Variants in SLC19A3 observed in about 807,000 individuals in gnomAD.
SLC19A3 encodes the protein solute carrier family 19 member 3.
Under a neutral mutation model 40.2 loss-of-function variants are expected in SLC19A3, and 31 were observed. The observed-to-expected ratio is 0.77, with a 90% confidence interval of 0.58 to 1.04. SLC19A3 has a LOEUF of 1.04. SLC19A3 is among the 50% of genes least tolerant of loss of function. The probability of loss-of-function intolerance (pLI) is 0.00; values close to 1 mark genes in which losing one functional copy is unlikely to be tolerated. For missense variants in SLC19A3, 592 were observed against 596.7 expected (o/e 0.99, Z 0.08); for synonymous variants, 212 against 227.5 (o/e 0.93, Z 0.61).
chr2:227,714,738 C>T (rs1336148888), intron 1 of SLC19A3: 3 of 263,748 alleles, frequency 1.1e-5, no homozygotes, highest in Non-Finnish European at 1.7e-5. Flanking sequence ...ACACCCAGAT[C>T]CAGATCTTTC....
chr2:227,698,203 C>T (rs1436844910), intron 3 of SLC19A3, among the ~76,000 whole-genome samples: 1 of 151,860 alleles, frequency 6.6e-6, no homozygotes, highest in Non-Finnish European at 1.5e-5. Context: ...CTCTGTCATC[C>T]AGGCTGGAGT....
At chr2:227,692,580 C>G (rs192252014) in intron 4 of SLC19A3, among the ~76,000 whole-genome samples, 1 of 152,224 alleles carries the variant, frequency 6.6e-6, no homozygotes, top group Admixed American at 6.5e-5. Context: ...TATGACAGAC[C>G]TACAGCTAGT....
rs1188128121 is a variant in SLC19A3 at position 227,693,770 on chromosome 2, C to T, written c.1172+2119G>A. Among the ~76,000 whole-genome samples the T allele has an allele frequency of 2.0e-5, 3 of 152,122 alleles. No homozygotes were observed. The East Asian group carries it at 5.8e-4, about 29-fold the overall frequency. The stretch of plus-strand genomic sequence containing the variant: ...ATCAAGTTAAAAAGCTCCTGCACAG[C>T]CAAGGAAAGAGGCCACCCACAGAAT... On this transcript the variant is annotated intron_variant, in intron 4 of 5. Coordinates refer to ENST00000644224, the MANE Select transcript of SLC19A3 (RefSeq NM_025243.4).
Position 227,699,263 on chromosome 2 carries a change from T to A in SLC19A3, c.452A>T (p.Tyr151Phe), listed in dbSNP as rs771596384. 2 of 1,614,060 alleles carry A rather than the reference T, an allele frequency of 1.2e-6. No homozygotes were observed. Among genetic ancestry groups the A allele is most frequent in the Non-Finnish European group, 1.7e-6 (2 of 1,179,942 alleles). Residue 151 changes from tyrosine to phenylalanine, a missense_variant, in exon 3 of 6, where the codon TAC becomes TTC. Tyr to Phe is a conservative substitution (Grantham distance 22, BLOSUM62 3). Transcript: ENST00000644224. The part of the protein sequence containing the change: ...GYCRSVTLAA[Y>F]TAGSVLAQLL... ...TTGAGCCAGCACCGACCCTGCTGTG[T>A]AGGCGGCCAGCGTGACGCTCCTGCA...
intron 2 of SLC19A3, among the ~76,000 whole-genome samples, chr2:227,700,085 C>A (rs1309868242): frequency 6.6e-6 from 1 of 151,962 alleles, no homozygotes; most frequent in Non-Finnish European, 1.5e-5. Context: ...CCATGTTGAT[C>A]AGGTTGATCT....
rs186382344 is a variant in SLC19A3 at position 227,717,432 on chromosome 2, G to C, written c.-3+511C>G. 2.4e-4 allele frequency among the ~76,000 whole-genome samples: 37 copies of C among 152,274 alleles called. 1 individual carries two copies. The East Asian group carries it at 7.1e-3, about 29-fold the overall frequency. On this transcript the variant is annotated intron_variant, in intron 1 of 5. Transcript: ENST00000644224. ...ACAGCTGTCACACTATTTATTATTT[G>C]ATGACTTAGGTATCCTTTCCAGCAG...
intron 4 of SLC19A3, 80 bp from the exon 5 acceptor site, chr2:227,688,387 A>C: frequency 7.2e-7 from 1 of 1,396,464 alleles, no homozygotes; most frequent in Non-Finnish European, 1.0e-6. Flanking sequence ...TATTGGCCAC[A>C]GGGGTATTTG....
At chr2:227,707,498 A>G (rs4973227) in intron 1 of SLC19A3, among the ~76,000 whole-genome samples, 91,816 of 151,774 alleles carry the variant, frequency 0.6, 30,388 homozygotes, top group Non-Finnish European at 0.75. Flanking sequence ...TGGGAGGATC[A>G]CTGAAGACCT....
At chr2:227,689,033 A>C (rs889812737) in intron 4 of SLC19A3, among the ~76,000 whole-genome samples, 6 of 152,172 alleles carry the variant, frequency 3.9e-5, no homozygotes, top group African/African-American at 1.4e-4. Context: ...CAAGCAGAAG[A>C]AATAATTAGC....
intron 4 of SLC19A3, 179 bp downstream of exon 4, chr2:227,695,710 A>G (rs993960328): frequency 3.1e-6 from 2 of 649,156 alleles, no homozygotes; most frequent in African/African-American, 3.6e-5. Context: ...TATTGTAGCA[A>G]TATTCAGAGA....
At chr2:227,717,680 C>A (rs1696378827) in intron 1 of SLC19A3, among the ~76,000 whole-genome samples, 1 of 152,116 alleles carries the variant, frequency 6.6e-6, no homozygotes, top group African/African-American at 2.4e-5. Flanking sequence ...GGTGCTGGCA[C>A]TTTACGGGAA....
intron 1 of SLC19A3, among the ~76,000 whole-genome samples, chr2:227,705,790 G>A (rs1418637974): frequency 6.6e-6 from 1 of 152,072 alleles, no homozygotes; most frequent in African/African-American, 2.4e-5. Flanking sequence ...GTTGATCTGT[G>A]CAGCAAACCA....
rs1014902743 is a variant in SLC19A3 at position 227,688,062 on chromosome 2, T to C, written c.1314+104A>G. The C allele has an allele frequency of 6.9e-5, 89 of 1,287,842 alleles. No homozygotes were observed. In the South Asian group the frequency reaches 1.0e-3, roughly 15 times the overall value. 79.8% of individuals were successfully genotyped at this position (1,287,842 alleles called of 1,614,324 possible). A position where few individuals can be genotyped will look rare whatever the true frequency, so the allele number is the denominator to read the frequency against. On this transcript the variant is annotated intron_variant, in intron 5 of 5. Transcript: ENST00000644224. ...ATGATAATGAAGGAATTATGTATTT[T>C]TTAATTGCTTAACCAAGGAACTCAA...
chr2:227,695,962 C>T lies in SLC19A3; in HGVS notation c.1099G>A (p.Ala367Thr), dbSNP rs1233252115. Residue 367 changes from alanine to threonine, a missense_variant, in exon 4 of 6, where the codon GCC becomes ACC. Transcript: ENST00000644224. ...CCAGCATAGCACGCCCAGATATTGG[C>T]TGTGTAATGCATGAGAAATAAAGAA... ...AGSLFLMHYTANIWACYAGYL... is the reference protein window; with the variant it reads ...AGSLFLMHYTTNIWACYAGYL... 4.3e-6 allele frequency: 7 copies of T among 1,613,972 alleles called. No homozygotes were observed. In the Admixed American group the frequency reaches 8.3e-5, roughly 19 times the overall value.
Position 227,699,435 on chromosome 2 carries a change from A to G in SLC19A3, c.280T>C (p.Trp94Arg), listed in dbSNP as rs1695586409. 1 of 1,614,182 alleles carries G rather than the reference A, an allele frequency of 6.2e-7. No individual in the cohort carries two copies. The highest frequency in any genetic ancestry group is 8.5e-7 in the Non-Finnish European group (1 of 1,180,036). ...CCTTGGCCAAACAACAGCAGCAGCC[A>G]GGTAATGATGAAACTGATACCTTGC... ...ILQGISFIIT[W>R]LLLLFGQGVK... The change falls in exon 3 of 6, where the codon TGG becomes CGG. Residue 94 changes from tryptophan to arginine, a missense_variant. Coordinates refer to ENST00000644224, the MANE Select transcript of SLC19A3 (RefSeq NM_025243.4).
chr2:227,711,841 G>A (rs1337331905), intron 1 of SLC19A3, among the ~76,000 whole-genome samples: 2 of 151,964 alleles, frequency 1.3e-5, no homozygotes, highest in Non-Finnish European at 2.9e-5. Flanking sequence ...CTTGAGGTCA[G>A]GAGTTTGAGA....
chr2:227,701,325 TATAAAGAAATGCG>T (rs1695678072), intron 2 of SLC19A3: 1 of 210,282 alleles, frequency 4.8e-6, no homozygotes, highest in African/African-American at 2.3e-5. Context: ...TTGTACTTCT[TATAAAGAAATGCG>T]AGGCCGGTGG....
At chr2:227,698,654 C>T (rs1695537352) in intron 3 of SLC19A3, 82 bp downstream of exon 3, 3 of 1,207,042 alleles carry the variant, frequency 2.5e-6, no homozygotes, top group Non-Finnish European at 3.7e-6. Flanking sequence ...AGAGCTAATT[C>T]GCTGCCATGA....
At chr2:227,711,024 G>C (rs1382760238) in intron 1 of SLC19A3, among the ~76,000 whole-genome samples, 1 of 152,148 alleles carries the variant, frequency 6.6e-6, no homozygotes, top group African/African-American at 2.4e-5. Flanking sequence ...AAAGCAAAGG[G>C]CTGCAGTCAG....
Sources: gnomAD v4.1 joint callset for allele counts (sites outside exome capture counted in the v4.1 genomes callset) on GRCh38, gnomAD v4.1.1 for gene constraint, MANE v1.5 for transcripts, NCBI Gene and HGNC (gene_info 2026-07-23, HGNC 2026-07-21) for gene names.